Variants in CADM1 observed in about 807,000 individuals in gnomAD.
CADM1 encodes the protein cell adhesion molecule 1, also known as TSLC-1.
Under a neutral mutation model 53.1 loss-of-function variants are expected in CADM1, and 15 were observed. The ratio of observed to expected loss-of-function variants is 0.28; its 90% confidence interval spans 0.19 to 0.44. The LOEUF (loss-of-function observed/expected upper bound fraction) is 0.44. CADM1 is among the 20% of genes least tolerant of loss of function. CADM1 has a pLI of 1.00. For missense variants in CADM1, 434 were observed against 611.3 expected (o/e 0.71, Z 3.06); for synonymous variants, 281 against 243.0 (o/e 1.16, Z -1.45).
intron 1 of CADM1, among the ~76,000 whole-genome samples, chr11:115,469,781 C>T (rs1200499940): frequency 4.0e-5 from 6 of 148,648 alleles, no homozygotes; most frequent in African/African-American, 1.5e-4. Context: ...AAGAGATTCT[C>T]CTGCCTCAGC....
At chr11:115,440,380 T>G (rs1336382593) in intron 1 of CADM1, among the ~76,000 whole-genome samples, 1 of 152,214 alleles carries the variant, frequency 6.6e-6, no homozygotes, top group Non-Finnish European at 1.5e-5. Context: ...AACCATTATT[T>G]CCCAATCTCC....
intron 1 of CADM1, among the ~76,000 whole-genome samples, chr11:115,328,735 T>C (rs971234411): frequency 1.6e-5 from 2 of 124,220 alleles, no homozygotes; most frequent in Middle Eastern, 3.6e-3. Flanking sequence ...TGTATATACA[T>C]ATATATATAT....
Position 115,170,145 on chromosome 11 carries a change from C to G in CADM1, c.*6329G>C. The G allele has an allele frequency of 6.4e-6, 1 of 156,410 alleles. No homozygotes were observed. Among genetic ancestry groups the G allele is most frequent in the East Asian group, 1.9e-4 (1 of 5,330 alleles). 9.7% of individuals were successfully genotyped at this position (156,410 alleles called of 1,614,324 possible). ...ACTTAAGGAAGATTTGAGGCGGTCA[C>G]GTCTGAAATATGACTGTGAGCCTGT... On this transcript the variant is annotated 3_prime_UTR_variant, in exon 12 of 12. Transcript: ENST00000331581.
intron 1 of CADM1, among the ~76,000 whole-genome samples, chr11:115,475,186 T>C (rs148996507): frequency 1.6e-3 from 238 of 152,360 alleles, no homozygotes; most frequent in African/African-American, 5.5e-3. Flanking sequence ...CTAGATTACT[T>C]ATAATACCTA....
At chr11:115,478,177 G>A (rs569255019) in intron 1 of CADM1, among the ~76,000 whole-genome samples, 1 of 152,088 alleles carries the variant, frequency 6.6e-6, no homozygotes, top group Non-Finnish European at 1.5e-5. Flanking sequence ...TTCTGGTATT[G>A]TATATGGAGA....
At chr11:115,334,606 G>T (rs908298296) in intron 1 of CADM1, among the ~76,000 whole-genome samples, 3 of 152,052 alleles carry the variant, frequency 2.0e-5, no homozygotes, top group African/African-American at 4.8e-5. Flanking sequence ...TCATAGGTAT[G>T]TATGTATAGG....
chr11:115,349,436 G>C (rs994426786), intron 1 of CADM1, among the ~76,000 whole-genome samples: 1 of 152,150 alleles, frequency 6.6e-6, no homozygotes, highest in Non-Finnish European at 1.5e-5. Flanking sequence ...CTAAAACAAT[G>C]GCTAGTTTGG....
At chr11:115,239,709 T>A (rs996637174) in intron 2 of CADM1, among the ~76,000 whole-genome samples, 6 of 144,796 alleles carry the variant, frequency 4.1e-5, no homozygotes, top group Non-Finnish European at 9.1e-5. Flanking sequence ...AATAACAGTT[T>A]TTGGTTTTTT....
chr11:115,338,457 C>A lies in CADM1; in HGVS notation c.125-98037G>T, dbSNP rs534827992. Among the ~76,000 whole-genome samples, 4 of 152,280 alleles carry A rather than the reference C, an allele frequency of 2.6e-5. No homozygotes were observed. In the South Asian group the frequency reaches 6.2e-4, roughly 24 times the overall value. On this transcript the variant is annotated intron_variant, in intron 1 of 11. Coordinates refer to ENST00000331581, the MANE Select transcript of CADM1 (RefSeq NM_001301043.2). The stretch of plus-strand genomic sequence containing the variant: ...AGAGAAACTACCATTTGGAGAAAGA[C>A]TTAAAGAACTAATATCTAAGGTACA...
chr11:115,334,830 A>G (rs1324589940), intron 1 of CADM1, among the ~76,000 whole-genome samples: 1 of 152,176 alleles, frequency 6.6e-6, no homozygotes, highest in Non-Finnish European at 1.5e-5. Flanking sequence ...ATACACACTG[A>G]ACATAAAAAC....
At chr11:115,401,551 C>T (rs990541063) in intron 1 of CADM1, among the ~76,000 whole-genome samples, 5 of 151,856 alleles carry the variant, frequency 3.3e-5, no homozygotes, top group African/African-American at 9.7e-5. Context: ...GAGGTTGCAG[C>T]GAGCCGAGAT....
intron 1 of CADM1, among the ~76,000 whole-genome samples, chr11:115,257,545 G>T (rs45494594): frequency 0.015 from 2,224 of 152,252 alleles, 45 homozygotes; most frequent in African/African-American, 0.05. Flanking sequence ...AGGAGCATAG[G>T]AGTTAGTGTA....
intron 1 of CADM1, among the ~76,000 whole-genome samples, chr11:115,433,381 C>T (rs1056825122): frequency 2.6e-5 from 4 of 152,090 alleles, no homozygotes; most frequent in Non-Finnish European, 4.4e-5. Context: ...AATTTGGTTC[C>T]AAAGGGAGCT....
At chr11:115,368,543 A>G (rs1309781390) in intron 1 of CADM1, among the ~76,000 whole-genome samples, 1 of 152,194 alleles carries the variant, frequency 6.6e-6, no homozygotes, top group Non-Finnish European at 1.5e-5. Flanking sequence ...GAACCTGAAT[A>G]TATGTAATGA....
At chr11:115,483,143 A>G (rs1949294434) in intron 1 of CADM1, among the ~76,000 whole-genome samples, 1 of 152,232 alleles carries the variant, frequency 6.6e-6, no homozygotes, top group South Asian at 2.1e-4. Context: ...ATGGATTTGA[A>G]AATAAAGACG....
At chr11:115,185,256 C>G (rs192381759) in intron 10 of CADM1, among the ~76,000 whole-genome samples, 1 of 152,182 alleles carries the variant, frequency 6.6e-6, no homozygotes, top group Admixed American at 6.5e-5. Context: ...CAAATAATTA[C>G]CAGTTCGTTA....
chr11:115,212,911 G>A (rs1017028369), intron 7 of CADM1, among the ~76,000 whole-genome samples: 3 of 152,186 alleles, frequency 2.0e-5, no homozygotes, highest in African/African-American at 4.8e-5. Flanking sequence ...CTAAATAAAT[G>A]CTAGCTATAA....
chr11:115,490,523 C>G (rs1435890426), intron 1 of CADM1, among the ~76,000 whole-genome samples: 1 of 151,690 alleles, frequency 6.6e-6, no homozygotes, highest in Non-Finnish European at 1.5e-5. Flanking sequence ...CTCAGCCACC[C>G]GAGTAGCTGG....
intron 1 of CADM1, among the ~76,000 whole-genome samples, chr11:115,421,420 AC>A (rs1369411491): frequency 2.0e-5 from 3 of 152,208 alleles, no homozygotes; most frequent in Non-Finnish European, 4.4e-5. Flanking sequence ...TGAATTCTCG[AC>A]CTGTCGCATC....
Sources: allele counts gnomAD v4.1 joint callset (sites outside exome capture counted in the v4.1 genomes callset), GRCh38; gene constraint gnomAD v4.1.1; transcripts MANE v1.5; gene names NCBI Gene and HGNC (gene_info 2026-07-23, HGNC 2026-07-21).